Variants in H4C11 observed in about 807,000 individuals in gnomAD.
H4C11 encodes the protein histone H4.
In H4C11, 1 loss-of-function variant was observed where a neutral mutation model predicts 4.2. That is an observed-to-expected ratio of 0.24 (90% CI 0.09 to 1.14). The LOEUF is 1.14. H4C11 is among the 50% of genes most tolerant of loss of function. The probability of loss-of-function intolerance (pLI) is 0.52; values close to 1 mark genes in which losing one functional copy is unlikely to be tolerated. For synonymous variants in H4C11, 95 were observed against 66.9 expected (o/e 1.42, Z -2.05); for missense variants, 73 against 157.7 (o/e 0.46, Z 2.88).
rs541294957 is a variant in H4C11, at chr6:27,824,332, G to T, written c.208G>T (p.Ala70Ser). 6.3e-7 allele frequency: 1 copy of T among 1,590,634 alleles called. No homozygotes were observed. Among genetic ancestry groups the T allele is most frequent in the South Asian group, 1.1e-5 (1 of 88,596 alleles). The change falls in exon 1 of 1, where the codon GCC (alanine) becomes TCC (serine). Residue 70 changes from alanine (A) to serine (S), a missense_variant. Physicochemically the swap from Ala to Ser is moderately conservative, Grantham distance 99. Coordinates refer to ENST00000355057, the MANE Select transcript of H4C11 (RefSeq NM_021968.4). ...GTTCCTGGAGAACGTGATCCGGGAC[G>T]CCGTGACCTATACAGAGCACGCCAA... ...KVFLENVIRDAVTYTEHAKRK... is the reference protein window; with the variant it reads ...KVFLENVIRDSVTYTEHAKRK...
chr6:27,824,300 T>C lies in H4C11; in HGVS notation c.176T>C (p.Leu59Pro). 2.5e-6 allele frequency: 4 copies of C among 1,593,086 alleles called. No individual in the cohort carries two copies. Among genetic ancestry groups the C allele is most frequent in the Non-Finnish European group, 3.4e-6 (4 of 1,168,220 alleles). ...ATCTACGAGGAGACTCGCGGGGTGC[T>C]GAAGGTGTTCCTGGAGAACGTGATC... ...GLIYEETRGV[L>P]KVFLENVIRD... The change falls in exon 1 of 1, where the codon CTG (leucine) becomes CCG (proline). Residue 59 changes from leucine (L) to proline (P), a missense_variant. Coordinates refer to ENST00000355057, the MANE Select transcript of H4C11 (RefSeq NM_021968.4).
rs1210516798 is a variant in H4C11 at position 27,824,343 on chromosome 6, T to TAC, written c.221_222dup (p.Glu75GlnfsTer?). 2 of 1,587,508 alleles carry TAC rather than the reference T, an allele frequency of 1.3e-6. No individual in the cohort carries two copies. The highest frequency in any genetic ancestry group is 2.7e-5 in the African/African-American group (2 of 73,368). ...ACGTGATCCGGGACGCCGTGACCTA[T>TAC]ACAGAGCACGCCAAGCGCAAGACGG... On this transcript the variant is annotated frameshift_variant, in exon 1 of 1. Transcript: ENST00000355057. LOFTEE classifies it high-confidence loss of function.
rs556681107 is a variant in H4C11 at position 27,824,105 on chromosome 6, T to G, written c.-20T>G. The G allele has an allele frequency of 6.5e-7, 1 of 1,541,234 alleles. No individual in the cohort carries two copies. Among genetic ancestry groups the G allele is most frequent in the Non-Finnish European group, 8.8e-7 (1 of 1,139,984 alleles). On this transcript the variant is annotated 5_prime_UTR_variant, in exon 1 of 1. Coordinates refer to ENST00000355057, the MANE Select transcript of H4C11 (RefSeq NM_021968.4). ...GCCAGAGGCCTCACAAAGCGTTGGG[T>G]GAGACTCCTCTTGCTCGTCATGTCT...
Position 27,824,412 on chromosome 6 carries a change from C to T in H4C11, c.288C>T (p.Arg96=). ...TCTACGCGCTCAAGCGCCAGGGCCG[C>T]ACCCTCTACGGTTTCGGTGGTTGAG... The part of the protein sequence containing the change: ...DVVYALKRQG[R]TLYGFGG Residue 96 remains arginine, a synonymous_variant, in exon 1 of 1, where the codon CGC becomes CGT. Transcript: ENST00000355057. 4 of 1,589,246 alleles carry T rather than the reference C, an allele frequency of 2.5e-6. No homozygotes were observed. The highest frequency in any genetic ancestry group is 2.6e-6 in the Non-Finnish European group (3 of 1,171,852).
rs201031164 is a variant in H4C11 at position 27,824,334 on chromosome 6, C to T, written c.210C>T (p.Ala70=). The change falls in exon 1 of 1, where the codon GCC becomes GCT. Residue 70 remains alanine (A), a synonymous_variant. Coordinates refer to ENST00000355057, the MANE Select transcript of H4C11 (RefSeq NM_021968.4). Reference sequence around the variant, plus strand: ...TCCTGGAGAACGTGATCCGGGACGCCGTGACCTATACAGAGCACGCCAAGC... The same window carrying T: ...TCCTGGAGAACGTGATCCGGGACGCTGTGACCTATACAGAGCACGCCAAGC... ...KVFLENVIRD[A]VTYTEHAKRK... 5.5e-5 allele frequency: 88 copies of T among 1,590,944 alleles called. No homozygotes were observed. Among genetic ancestry groups the T allele is most frequent in the Admixed American group, 3.3e-4 (19 of 56,746 alleles).
chr6:27,824,296 G>C lies in H4C11; in HGVS notation c.172G>C (p.Val58Leu). The change falls in exon 1 of 1, where the codon GTG becomes CTG. Residue 58 changes from valine (V) to leucine (L), a missense_variant. Physicochemically the swap from Val to Leu is conservative, Grantham distance 32. Coordinates refer to ENST00000355057, the MANE Select transcript of H4C11 (RefSeq NM_021968.4). The stretch of plus-strand genomic sequence containing the variant: ...CCTCATCTACGAGGAGACTCGCGGG[G>C]TGCTGAAGGTGTTCCTGGAGAACGT... ...SGLIYEETRG[V>L]LKVFLENVIR... The C allele has an allele frequency of 6.3e-7, 1 of 1,592,088 alleles. No individual in the cohort carries two copies. The highest frequency in any genetic ancestry group is 8.6e-7 in the Non-Finnish European group (1 of 1,167,766).
Position 27,824,436 on chromosome 6 carries a change from A to C in H4C11, c.312A>C (p.Ter104CysextTer?), listed in dbSNP as rs771011750. The C allele has an allele frequency of 6.2e-7, 1 of 1,605,832 alleles. No individual in the cohort carries two copies. Among genetic ancestry groups the C allele is most frequent in the Admixed American group, 1.7e-5 (1 of 57,434 alleles). Reference sequence around the variant, plus strand: ...GCACCCTCTACGGTTTCGGTGGTTGAGCGTCCCTTTCTATCAATAAAAGGC... The same window carrying C: ...GCACCCTCTACGGTTTCGGTGGTTGCGCGTCCCTTTCTATCAATAAAAGGC... ...QGRTLYGFGG[*>C] is the part of the protein sequence containing the mutation. Residue 104 changes from the stop codon to cysteine (C), a stop_lost, in exon 1 of 1, where the codon TGA (stop) becomes TGC (cysteine). Coordinates refer to ENST00000355057, the MANE Select transcript of H4C11 (RefSeq NM_021968.4).
At position 27,824,323 on chromosome 6, in the gene H4C11, A is replaced by G. The variant is rs1403683584; in HGVS notation, c.199A>G (p.Ile67Val). The change falls in exon 1 of 1, where the codon ATC becomes GTC. Residue 67 changes from isoleucine (I) to valine (V), a missense_variant. Physicochemically the swap from Ile to Val is conservative, Grantham distance 29. Around this residue, in one of 4 missense-constraint regions of H4C11, gnomAD observed 40 missense variants for 78.3 expected, o/e 0.51. Coordinates refer to ENST00000355057, the MANE Select transcript of H4C11 (RefSeq NM_021968.4). Reference sequence around the variant, plus strand: ...GCTGAAGGTGTTCCTGGAGAACGTGATCCGGGACGCCGTGACCTATACAGA... The same window carrying G: ...GCTGAAGGTGTTCCTGGAGAACGTGGTCCGGGACGCCGTGACCTATACAGA... ...GVLKVFLENV[I>V]RDAVTYTEHA... The G allele has an allele frequency of 1.3e-6, 2 of 1,593,190 alleles. No individual in the cohort carries two copies. Among genetic ancestry groups the G allele is most frequent in the African/African-American group, 1.4e-5 (1 of 73,884 alleles).
Position 27,824,380 on chromosome 6 carries a change from G to A in H4C11, c.256G>A (p.Asp86Asn). Residue 86 changes from aspartate (D) to asparagine (N), a missense_variant, in exon 1 of 1, where the codon GAT (aspartate) becomes AAT (asparagine). By Grantham distance (23) the Asp-to-Asn change is conservative (BLOSUM62 1). Around this residue, in one of 4 missense-constraint regions of H4C11, gnomAD observed 40 missense variants for 78.3 expected, o/e 0.51. Coordinates refer to ENST00000355057, the MANE Select transcript of H4C11 (RefSeq NM_021968.4). The stretch of plus-strand genomic sequence containing the variant: ...CAAGCGCAAGACGGTCACCGCCATG[G>A]ATGTGGTCTACGCGCTCAAGCGCCA... Reference protein sequence around the residue: ...HAKRKTVTAMDVVYALKRQGR... With the variant: ...HAKRKTVTAMNVVYALKRQGR... 3.9e-6 allele frequency: 6 copies of A among 1,545,550 alleles called. No individual in the cohort carries two copies. Among genetic ancestry groups the A allele is most frequent in the Non-Finnish European group, 5.2e-6 (6 of 1,154,376 alleles).
rs776099558 is a variant in H4C11, at chr6:27,824,475, A to C, written c.*39A>C. On this transcript the variant is annotated 3_prime_UTR_variant, in exon 1 of 1. Coordinates refer to ENST00000355057, the MANE Select transcript of H4C11 (RefSeq NM_021968.4). ...TCAATAAAAGGCCCTTTTCAGGGCC[A>C]CCCTACTTTCTCAGCTGAAGAGTGG... 1.3e-6 allele frequency: 2 copies of C among 1,596,948 alleles called. No individual in the cohort carries two copies. The highest frequency in any genetic ancestry group is 1.7e-6 in the Non-Finnish European group (2 of 1,172,922).
At position 27,824,130 on chromosome 6, in the gene H4C11, T is replaced by A. The variant is rs142827394; in HGVS notation, c.6T>A (p.Ser2=). M[S]GRGKGGKGLG... ...TGAGACTCCTCTTGCTCGTCATGTCTGGCCGCGGCAAAGGCGGGAAGGGTC... is the reference window on the plus strand; with the variant it reads ...TGAGACTCCTCTTGCTCGTCATGTCAGGCCGCGGCAAAGGCGGGAAGGGTC... Residue 2 remains serine, a synonymous_variant, in exon 1 of 1, where the codon TCT becomes TCA. Coordinates refer to ENST00000355057, the MANE Select transcript of H4C11 (RefSeq NM_021968.4). 1,134 of 1,541,294 alleles carry A rather than the reference T, an allele frequency of 7.4e-4. 18 individuals are homozygous for A. Among genetic ancestry groups the A allele is most frequent in the Non-Finnish European group, 8.5e-4 (977 of 1,143,340 alleles).
Position 27,824,374 on chromosome 6 carries a change from GC to G in H4C11, c.252del (p.Met85TrpfsTer?). 1 of 1,549,066 alleles carries G rather than the reference GC, an allele frequency of 6.5e-7. No homozygotes were observed. Among genetic ancestry groups the G allele is most frequent in the Non-Finnish European group, 8.7e-7 (1 of 1,155,466 alleles). On this transcript the variant is annotated frameshift_variant, in exon 1 of 1. Coordinates refer to ENST00000355057, the MANE Select transcript of H4C11 (RefSeq NM_021968.4). LOFTEE classifies it high-confidence loss of function. ...TEHAKRKTVT[A>X]MDVVYALKRQ... ...GCACGCCAAGCGCAAGACGGTCACCGCCATGGATGTGGTCTACGCGCTCAAG... is the reference window on the plus strand; with the variant it reads ...GCACGCCAAGCGCAAGACGGTCACCGCATGGATGTGGTCTACGCGCTCAAG...
Position 27,824,235 on chromosome 6 carries a change from C to T in H4C11, c.111C>T (p.Arg37=). The T allele has an allele frequency of 1.3e-6, 2 of 1,573,572 alleles. No individual in the cohort carries two copies. Among genetic ancestry groups the T allele is most frequent in the Non-Finnish European group, 1.7e-6 (2 of 1,158,940 alleles). Residue 37 remains arginine, a synonymous_variant, in exon 1 of 1, where the codon CGC becomes CGT. Transcript: ENST00000355057. ...GCATCACCAAGCCGGCCATCCGGCGCCTTGCTCGCCGCGGCGGCGTGAAGC... is the reference window on the plus strand; with the variant it reads ...GCATCACCAAGCCGGCCATCCGGCGTCTTGCTCGCCGCGGCGGCGTGAAGC... The part of the protein sequence containing the change: ...IQGITKPAIR[R]LARRGGVKRI...
Position 27,824,158 on chromosome 6 carries a change from G to T in H4C11, c.34G>T (p.Gly12Cys). 5.3e-6 allele frequency: 8 copies of T among 1,520,864 alleles called. No homozygotes were observed. Among genetic ancestry groups the T allele is most frequent in the Non-Finnish European group, 7.0e-6 (8 of 1,138,492 alleles). The allele number at this position is 1,520,864 out of a possible 1,614,324, so 94.2% of individuals were successfully genotyped here. Reference protein sequence around the residue: ...SGRGKGGKGLGKGGAKRHRKV... With the variant: ...SGRGKGGKGLCKGGAKRHRKV... ...CCGCGGCAAAGGCGGGAAGGGTCTT[G>T]GCAAAGGCGGCGCTAAGCGCCACCG... The change falls in exon 1 of 1, where the codon GGC becomes TGC. Residue 12 changes from glycine (G) to cysteine (C), a missense_variant. By Grantham distance (159) the Gly-to-Cys change is radical (BLOSUM62 -3). Around this residue, in one of 4 missense-constraint regions of H4C11, gnomAD observed 20 missense variants for 19.9 expected, o/e 1.00. Transcript: ENST00000355057.
chr6:27,824,442 C>T lies in H4C11; in HGVS notation c.*6C>T, dbSNP rs764517642. On this transcript the variant is annotated 3_prime_UTR_variant, in exon 1 of 1. Coordinates refer to ENST00000355057, the MANE Select transcript of H4C11 (RefSeq NM_021968.4). ...TCTACGGTTTCGGTGGTTGAGCGTC[C>T]CTTTCTATCAATAAAAGGCCCTTTT... 5 of 1,607,218 alleles carry T rather than the reference C, an allele frequency of 3.1e-6. No individual in the cohort carries two copies. Among genetic ancestry groups the T allele is most frequent in the East Asian group, 2.2e-5 (1 of 44,844 alleles).
In H4C11 at chr6:27,824,388, C is replaced by T. The variant is rs1430705521; in HGVS notation, c.264C>T (p.Val88=). 7 of 1,552,602 alleles carry T rather than the reference C, an allele frequency of 4.5e-6. No individual in the cohort carries two copies. The highest frequency in any genetic ancestry group is 1.3e-5 in the South Asian group (1 of 78,752). Residue 88 remains valine (V), a synonymous_variant, in exon 1 of 1, where the codon GTC becomes GTT. Transcript: ENST00000355057. ...KRKTVTAMDV[V]YALKRQGRTL... ...AGACGGTCACCGCCATGGATGTGGT[C>T]TACGCGCTCAAGCGCCAGGGCCGCA...
chr6:27,824,418 C>T lies in H4C11; in HGVS notation c.294C>T (p.Leu98=), dbSNP rs187852525. 55 of 1,592,412 alleles carry T rather than the reference C, an allele frequency of 3.5e-5. 1 individual carries two copies. In the East Asian group the frequency reaches 1.0e-3, roughly 30 times the overall value. ...VYALKRQGRT[L]YGFGG is the part of the protein sequence containing the mutation. ...CGCTCAAGCGCCAGGGCCGCACCCT[C>T]TACGGTTTCGGTGGTTGAGCGTCCC... Residue 98 remains leucine, a synonymous_variant, in exon 1 of 1, where the codon CTC becomes CTT. Transcript: ENST00000355057.
chr6:27,824,415 C>T lies in H4C11; in HGVS notation c.291C>T (p.Thr97=), dbSNP rs754930996. 19 of 1,591,074 alleles carry T rather than the reference C, an allele frequency of 1.2e-5. No homozygotes were observed. The Admixed American group carries it at 2.8e-4, about 24-fold the overall frequency. Residue 97 remains threonine (T), a synonymous_variant, in exon 1 of 1, where the codon ACC becomes ACT. Transcript: ENST00000355057. ...VVYALKRQGR[T]LYGFGG Reference sequence around the variant, plus strand: ...ACGCGCTCAAGCGCCAGGGCCGCACCCTCTACGGTTTCGGTGGTTGAGCGT... The same window carrying T: ...ACGCGCTCAAGCGCCAGGGCCGCACTCTCTACGGTTTCGGTGGTTGAGCGT...
In H4C11 at chr6:27,824,324, T is replaced by G; in HGVS notation, c.200T>G (p.Ile67Ser). The G allele has an allele frequency of 6.3e-7, 1 of 1,593,296 alleles. No individual in the cohort carries two copies. The highest frequency in any genetic ancestry group is 8.6e-7 in the Non-Finnish European group (1 of 1,168,374). The part of the protein sequence containing the change: ...GVLKVFLENV[I>S]RDAVTYTEHA... ...CTGAAGGTGTTCCTGGAGAACGTGA[T>G]CCGGGACGCCGTGACCTATACAGAG... Residue 67 changes from isoleucine to serine, a missense_variant, in exon 1 of 1, where the codon ATC becomes AGC. By Grantham distance (142) the Ile-to-Ser change is moderately radical. Around this residue, in one of 4 missense-constraint regions of H4C11, gnomAD observed 40 missense variants for 78.3 expected, o/e 0.51. Transcript: ENST00000355057.
Sources: allele counts gnomAD v4.1 joint callset, GRCh38; gene constraint gnomAD v4.1.1; regional missense constraint gnomAD v4.1.1; transcripts MANE v1.5; gene names NCBI Gene and HGNC (gene_info 2026-07-23, HGNC 2026-07-21).